The following OTOG variants were observed in gnomAD, a reference collection of about 807,000 sequenced individuals.
OTOG encodes otogelin.
Under a neutral mutation model 313.8 loss-of-function variants are expected in OTOG, and 296 were observed. That is an observed-to-expected ratio of 0.94 (90% CI 0.86 to 1.04). OTOG has a LOEUF of 1.04. Ranked by LOEUF, OTOG falls within the 50% of genes least tolerant of loss-of-function variation. The pLI, the probability that OTOG is intolerant of heterozygous loss-of-function variation, is 0.00. For missense variants in OTOG, 3,948 were observed against 3,840.1 expected (o/e 1.03, Z -0.74); for synonymous variants, 1,533 against 1,554.9 (o/e 0.99, Z 0.33).
chr11:17,621,066 T>C (rs1190702862), intron 39 of OTOG, among the ~76,000 whole-genome samples: 1 of 152,220 alleles, frequency 6.6e-6, no homozygotes, highest in Non-Finnish European at 1.5e-5. Flanking sequence ...ACCGTGTGTG[T>C]CATTTCTCAG....
chr11:17,592,560 C>T (rs969235588), intron 25 of OTOG, among the ~76,000 whole-genome samples: 2 of 152,226 alleles, frequency 1.3e-5, no homozygotes, highest in African/African-American at 4.8e-5. Context: ...CACACACACA[C>T]ACACTTTGTT....
In OTOG at chr11:17,634,280, T is replaced by G; in HGVS notation, c.7479T>G (p.Cys2493Trp). Residue 2493 changes from cysteine (C) to tryptophan (W), a missense_variant and splice_region_variant, in exon 44 of 56, where the codon TGT becomes TGG. Coordinates refer to ENST00000399397, the MANE Select transcript of OTOG (RefSeq NM_001292063.2). ...TKDPCCLGTV[C>W]VCNQTLCEGL... ...ACCCCTGCTGCCTGGGGACTGTCTG[T>G]GGTGAGTGTCCACCTTCACTTCCTT... 3 of 1,549,944 alleles carry G rather than the reference T, an allele frequency of 1.9e-6. No individual in the cohort carries two copies. Among genetic ancestry groups the G allele is most frequent in the Non-Finnish European group, 2.6e-6 (3 of 1,146,496 alleles).
At chr11:17,644,660 C>G (rs1266835226) in intron 54 of OTOG, among the ~76,000 whole-genome samples, 2 of 152,118 alleles carry the variant, frequency 1.3e-5, no homozygotes, top group African/African-American at 4.8e-5. Flanking sequence ...ACAAAATGTA[C>G]AAATTCACAT....
At chr11:17,589,119 C>T (rs1280185865) in intron 24 of OTOG, among the ~76,000 whole-genome samples, 1 of 152,166 alleles carries the variant, frequency 6.6e-6, no homozygotes, top group African/African-American at 2.4e-5. Context: ...ACCTTTACTT[C>T]CTTTGTACCT....
intron 14 of OTOG, 139 bp from the exon 15 acceptor site, chr11:17,561,523 C>T: frequency 1.1e-6 from 1 of 895,888 alleles, no homozygotes; most frequent in Non-Finnish European, 1.7e-6. Context: ...GCCCAGGGCT[C>T]TCAGGGGCCA....
At chr11:17,581,844 T>A (rs2134042171) in intron 23 of OTOG, among the ~76,000 whole-genome samples, 1 of 152,368 alleles carries the variant, frequency 6.6e-6, no homozygotes, top group East Asian at 1.9e-4. Flanking sequence ...TCCAGCCGGT[T>A]CCGCCCCCAC....
At chr11:17,601,188 C>A (rs1371725312) in intron 31 of OTOG, among the ~76,000 whole-genome samples, 3 of 152,294 alleles carry the variant, frequency 2.0e-5, no homozygotes, top group South Asian at 2.1e-4. Flanking sequence ...GGCCTCCCAT[C>A]CAGATCCTCA....
chr11:17,584,008 A>G (rs1852735009), intron 23 of OTOG, among the ~76,000 whole-genome samples: 1 of 152,184 alleles, frequency 6.6e-6, no homozygotes, highest in Non-Finnish European at 1.5e-5. Context: ...CATAGTTTTC[A>G]TGTGAAGGTT....
chr11:17,626,855 G>A (rs1338261537), intron 39 of OTOG, among the ~76,000 whole-genome samples: 1 of 152,042 alleles, frequency 6.6e-6, no homozygotes, highest in Non-Finnish European at 1.5e-5. Flanking sequence ...TTAATTCTTA[G>A]ATAATTTAAT....
chr11:17,630,276 A>G (rs1161400958), intron 40 of OTOG, among the ~76,000 whole-genome samples: 2 of 152,094 alleles, frequency 1.3e-5, no homozygotes, highest in South Asian at 2.1e-4. Context: ...CACCATCACC[A>G]TCACTACCAC....
intron 39 of OTOG, among the ~76,000 whole-genome samples, chr11:17,623,941 T>C (rs986525478): frequency 2.0e-5 from 3 of 152,250 alleles, no homozygotes; most frequent in Admixed American, 1.3e-4. Context: ...TGAATGTATG[T>C]CTTCTCTTGA....
intron 6 of OTOG, among the ~76,000 whole-genome samples, chr11:17,554,061 AGT>A (rs1852002900): frequency 6.6e-6 from 1 of 152,072 alleles, no homozygotes; most frequent in Non-Finnish European, 1.5e-5. Context: ...AGAGTAGGAG[AGT>A]GTGGGCAGAC....
In OTOG at chr11:17,572,177, G is replaced by A. The variant is rs1852419740; in HGVS notation, c.2053G>A (p.Asp685Asn). The change falls in exon 18 of 56, where the codon GAC (aspartate) becomes AAC (asparagine). Residue 685 changes from aspartate (D) to asparagine (N), a missense_variant. Transcript: ENST00000399397. ...CCCGCTGGTCTCTGGCTCCCCTCTG[G>A]ACCCCTGCGATGTGCACCTGCAAGC... ...CSPLVSGSPL[D>N]PCDVHLQAAS... 1.3e-6 allele frequency: 2 copies of A among 1,550,322 alleles called. No homozygotes were observed. The highest frequency in any genetic ancestry group is 1.4e-5 in the African/African-American group (1 of 73,032).
At chr11:17,598,073 C>T (rs11024336) in intron 30 of OTOG, among the ~76,000 whole-genome samples, 14 of 152,252 alleles carry the variant, frequency 9.2e-5, no homozygotes, top group South Asian at 2.1e-4. Flanking sequence ...GCAGGCAAGA[C>T]GCCAAAGGAA....
Position 17,606,047 on chromosome 11 carries a change from C to T in OTOG, c.4068C>T (p.Ser1356=), listed in dbSNP as rs1218584692. Residue 1356 remains serine (S), a synonymous_variant, in exon 33 of 56, where the codon TCC becomes TCT. Coordinates refer to ENST00000399397, the MANE Select transcript of OTOG (RefSeq NM_001292063.2). ...TGGAGTCCCTGGCCAAGCCCAGCTC[C>T]TTCCTCTATGTGTCGGGCGCGGTGC... ...VALESLAKPS[S]FLYVSGAVLA... The T allele has an allele frequency of 6.4e-7, 1 of 1,550,418 alleles. No individual in the cohort carries two copies. The highest frequency in any genetic ancestry group is 8.7e-7 in the Non-Finnish European group (1 of 1,147,000).
intron 39 of OTOG, among the ~76,000 whole-genome samples, chr11:17,621,321 C>T (rs1024709715): frequency 6.6e-6 from 1 of 152,146 alleles, no homozygotes; most frequent in African/African-American, 2.4e-5. Flanking sequence ...AGCCTTTATT[C>T]TGAGTGTGAT....
At chr11:17,578,129 G>A (rs1490937936) in intron 22 of OTOG, 2 of 600,234 alleles carry the variant, frequency 3.3e-6, no homozygotes, top group East Asian at 8.5e-5. Context: ...ACCTGGAGTA[G>A]TCTGGTATGG....
Position 17,610,902 on chromosome 11 carries a change from C to T in OTOG, c.5602C>T (p.Pro1868Ser). Reference sequence around the variant, plus strand: ...GCACCCACCCACTCACATAGCACCCCCAGCAGCAGGCACAGCTCCAGGCCT... The same window carrying T: ...GCACCCACCCACTCACATAGCACCCTCAGCAGCAGGCACAGCTCCAGGCCT... Reference protein sequence around the residue: ...QAHPPTHIAPPAAGTAPGLLL... With the variant: ...QAHPPTHIAPSAAGTAPGLLL... The change falls in exon 36 of 56, where the codon CCA becomes TCA. Residue 1868 changes from proline (P) to serine (S), a missense_variant. Physicochemically the swap from Pro to Ser is moderately conservative, Grantham distance 74. Transcript: ENST00000399397. 1.3e-6 allele frequency: 2 copies of T among 1,550,718 alleles called. No homozygotes were observed. Among genetic ancestry groups the T allele is most frequent in the Non-Finnish European group, 1.7e-6 (2 of 1,147,018 alleles).
chr11:17,631,650 A>G (rs1590055363), intron 40 of OTOG, 52 bp from the exon 41 acceptor site: 9 of 1,414,492 alleles, frequency 6.4e-6, no homozygotes, highest in South Asian at 6.3e-5. Context: ...AGCTGACGAC[A>G]TGGGAGTGGT....
Sources: gnomAD v4.1 joint callset for allele counts (sites outside exome capture counted in the v4.1 genomes callset) on GRCh38, gnomAD v4.1.1 for gene constraint, MANE v1.5 for transcripts, NCBI Gene and HGNC (gene_info 2026-07-23, HGNC 2026-07-21) for gene names.